Variants in NOTCH4 observed in about 807,000 individuals in gnomAD.
NOTCH4 encodes the protein neurogenic locus notch homolog protein 4.
Under a neutral mutation model 189.0 loss-of-function variants are expected in NOTCH4, and 138 were observed. That is an observed-to-expected ratio of 0.73 (90% CI 0.64 to 0.84). NOTCH4 has a LOEUF of 0.84. NOTCH4 is among the 40% of genes least tolerant of loss of function. NOTCH4 has a pLI of 0.00. For missense variants in NOTCH4, 2,286 were observed against 2,605.4 expected (o/e 0.88, Z 2.67); for synonymous variants, 942 against 1,032.8 (o/e 0.91, Z 1.69).
rs756640956 is a variant in NOTCH4 at position 32,195,914 on chromosome 6, C to T, written c.5535G>A (p.Thr1845=). 12 of 1,586,056 alleles carry T rather than the reference C, an allele frequency of 7.6e-6. No individual in the cohort carries two copies. The highest frequency in any genetic ancestry group is 1.7e-5 in the Admixed American group (1 of 58,036). The change falls in exon 30 of 30, where the codon ACG becomes ACA. Residue 1845 remains threonine, a synonymous_variant. Transcript: ENST00000375023. The surrounding 1 kb of genome is among the most constrained non-coding windows in gnomAD (Gnocchi z 5.4). Reference sequence around the variant, plus strand: ...CATGCGGGGGCACGCTTACTGACACCGTCCGTGCGCGCGGGAAGGGCCCAG... The same window carrying T: ...CATGCGGGGGCACGCTTACTGACACTGTCCGTGCGCGCGGGAAGGGCCCAG... ...REAGPFPRAR[T]VSVSVPPHGG... is the part of the protein sequence containing the mutation.
rs1003978412 is a variant in NOTCH4, at chr6:32,194,990, T to G, written c.*447A>C. Reference sequence around the variant, plus strand: ...AAGGAGTCATCAGCGGGGGTGGCCCTTGGCCACTTTTCAGCACCTACACAG... The same window carrying G: ...AAGGAGTCATCAGCGGGGGTGGCCCGTGGCCACTTTTCAGCACCTACACAG... On this transcript the variant is annotated 3_prime_UTR_variant, in exon 30 of 30. Transcript: ENST00000375023. This position sits in a 1 kb window ranked among gnomAD's most constrained non-coding sequence, Gnocchi z 4.5. 4.2e-6 allele frequency: 1 copy of G among 240,560 alleles called. No individual in the cohort carries two copies. The highest frequency in any genetic ancestry group is 2.2e-5 in the African/African-American group (1 of 45,580). 14.9% of individuals were successfully genotyped at this position (240,560 alleles called of 1,614,324 possible).
intron 18 of NOTCH4, 41 bp from the exon 19 acceptor site, chr6:32,204,430 C>A: frequency 6.3e-7 from 1 of 1,598,118 alleles, no homozygotes; most frequent in South Asian, 1.1e-5. Flanking sequence ...AGTGGATGAG[C>A]CCAACCCAGC....
intron 17 of NOTCH4, among the ~76,000 whole-genome samples, chr6:32,211,287 CAG>C (rs1491062329): frequency 2.1e-5 from 3 of 144,952 alleles, no homozygotes; most frequent in East Asian, 4.2e-4. Context: ...AACAAACAAA[CAG>C]AAACGGTAAA....
At chr6:32,213,912 T>G in intron 13 of NOTCH4, 72 bp from the exon 14 acceptor site, 1 of 1,550,978 alleles carries the variant, frequency 6.4e-7, no homozygotes, top group Non-Finnish European at 8.8e-7. Flanking sequence ...TCTTTCCTCT[T>G]CCTTCCCTTC....
At chr6:32,211,036 G>A (rs532520478) in intron 17 of NOTCH4, 100 bp from the exon 18 acceptor site, 6 of 1,102,936 alleles carry the variant, frequency 5.4e-6, no homozygotes, top group Non-Finnish European at 7.6e-6. Flanking sequence ...CGAGGCAGGT[G>A]GATCACCAGG....
In NOTCH4 at chr6:32,222,925, G is replaced by T. The variant is rs1159082723; in HGVS notation, c.155+80C>A. 5 of 1,546,412 alleles carry T rather than the reference G, an allele frequency of 3.2e-6. No individual in the cohort carries two copies. The African/African-American group carries it at 6.8e-5, about 21-fold the overall frequency. ...CCTTCACTTCCTCTCTTTCTTCTTTGGTCTCACTTCCTCACCTCTCCCCCC... is the reference window on the plus strand; with the variant it reads ...CCTTCACTTCCTCTCTTTCTTCTTTTGTCTCACTTCCTCACCTCTCCCCCC... On this transcript the variant is annotated intron_variant, in intron 2 of 29. Coordinates refer to ENST00000375023, the MANE Select transcript of NOTCH4 (RefSeq NM_004557.4).
Position 32,220,593 on chromosome 6 carries a change from G to T in NOTCH4, c.971C>A (p.Pro324His), listed in dbSNP as rs2127487774. 1.9e-6 allele frequency: 3 copies of T among 1,613,664 alleles called. No individual in the cohort carries two copies. Among genetic ancestry groups the T allele is most frequent in the Non-Finnish European group, 1.7e-6 (2 of 1,179,882 alleles). Residue 324 changes from proline to histidine, a missense_variant, in exon 6 of 30, where the codon CCT (proline) becomes CAT (histidine). This residue lies in a region of NOTCH4 where 1,903 missense variants were observed against 2,261.9 expected (regional missense o/e 0.84). Coordinates refer to ENST00000375023, the MANE Select transcript of NOTCH4 (RefSeq NM_004557.4). ...GCAGGTGCCCCCGTTTCTGCAGTGA[G>T]GGGGACCCTGGGTCTCACACTCATC... ...DVDECETQGPPHCRNGGTCQN... is the reference protein window; with the variant it reads ...DVDECETQGPHHCRNGGTCQN...
At position 32,217,046 on chromosome 6, in the gene NOTCH4, T is replaced by G. The variant is rs148631044; in HGVS notation, c.1760A>C (p.Gln587Pro). The G allele has an allele frequency of 1.2e-6, 2 of 1,613,110 alleles. No individual in the cohort carries two copies. The highest frequency in any genetic ancestry group is 1.7e-6 in the Non-Finnish European group (2 of 1,180,044). ...ACTCAGGCACTCATCCACCTCTGTT[T>G]GACAGCGTGGCCCTTCAAAGCCTGT... Reference protein sequence around the residue: ...CLPGFEGPRCQTEVDECLSDP... With the variant: ...CLPGFEGPRCPTEVDECLSDP... Residue 587 changes from glutamine (Q) to proline (P), a missense_variant, in exon 11 of 30, where the codon CAA becomes CCA. Physicochemically the swap from Gln to Pro is moderately conservative, Grantham distance 76 (BLOSUM62 -1). Around this residue, in one of 2 missense-constraint regions of NOTCH4, gnomAD observed 1,903 missense variants for 2,261.9 expected, o/e 0.84. Transcript: ENST00000375023. The surrounding 1 kb of genome is among the most constrained non-coding windows in gnomAD (Gnocchi z 4.2).
chr6:32,223,352 A>C (rs992197524), intron 1 of NOTCH4, among the ~76,000 whole-genome samples: 16 of 152,086 alleles, frequency 1.1e-4, no homozygotes, highest in African/African-American at 3.9e-4. Context: ...GAAGCAAGAC[A>C]ACAGGGGTCA....
In NOTCH4 at chr6:32,198,546, C is replaced by A; in HGVS notation, c.4631G>T (p.Gly1544Val). 1 of 1,612,834 alleles carries A rather than the reference C, an allele frequency of 6.2e-7. No individual in the cohort carries two copies. The highest frequency in any genetic ancestry group is 8.5e-7 in the Non-Finnish European group (1 of 1,179,942). The change falls in exon 26 of 30, where the codon GGC becomes GTC. Residue 1544 changes from glycine to valine, a missense_variant. Gly to Val is a moderately radical substitution (Grantham distance 109). Coordinates refer to ENST00000375023, the MANE Select transcript of NOTCH4 (RefSeq NM_004557.4). This position sits in a 1 kb window ranked among gnomAD's most constrained non-coding sequence, Gnocchi z 5.5. ...CCAGAGCTGGCACGTGGAGGGTGGGCCTGTTTCTTCAGCCTTTGGGTAACA... is the reference window on the plus strand; with the variant it reads ...CCAGAGCTGGCACGTGGAGGGTGGGACTGTTTCTTCAGCCTTTGGGTAACA... ...GEEVGQAEET[G>V]PPSTCQLWSL...
Position 32,210,974 on chromosome 6 carries a change from T to TG in NOTCH4, c.2681-39dup, listed in dbSNP as rs1167350985. The TG allele has an allele frequency of 6.5e-7, 1 of 1,528,748 alleles. No individual in the cohort carries two copies. 94.7% of individuals were successfully genotyped at this position (1,528,748 alleles called of 1,614,324 possible). A position where few individuals can be genotyped will look rare whatever the true frequency, so the allele number is the denominator to read the frequency against. ...ACAAACAGGGATATACAAAGATAAG[T>TG]GGGGGGCCGGGCGCCATGGCTTACG... On this transcript the variant is annotated intron_variant, in intron 17 of 29. Transcript: ENST00000375023. This position sits in a 1 kb window ranked among gnomAD's most constrained non-coding sequence, Gnocchi z 4.8.
Position 32,195,836 on chromosome 6 carries a change from A to T in NOTCH4, c.5613T>A (p.Arg1871=). Residue 1871 remains arginine (R), a synonymous_variant, in exon 30 of 30, where the codon CGT becomes CGA. Transcript: ENST00000375023. The surrounding 1 kb of genome is among the most constrained non-coding windows in gnomAD (Gnocchi z 5.4). ...CRTLSAGAGP[R]GGGACLQART... ...GAGCCTGCAGACAAGCTCCGCCCCC[A>T]CGAGGGCCTGCTCCGGCTGACAGCG... is the stretch of plus-strand genomic sequence containing the variant. The T allele has an allele frequency of 6.3e-7, 1 of 1,598,106 alleles. No homozygotes were observed.
In NOTCH4 at chr6:32,201,239, C is replaced by T. The variant is rs754761056; in HGVS notation, c.4017G>A (p.Val1339=). 1.1e-5 allele frequency: 17 copies of T among 1,612,914 alleles called. No individual in the cohort carries two copies. The highest frequency in any genetic ancestry group is 3.3e-5 in the Admixed American group (2 of 59,998). ...CAGCCCGGGCCCCAGGATAGGGGTACACCATGTCCCTGCCATCACGATCCT... is the reference window on the plus strand; with the variant it reads ...CAGCCCGGGCCCCAGGATAGGGGTATACCATGTCCCTGCCATCACGATCCT... ...VRKDRDGRDM[V]YPYPGARAEE... The change falls in exon 22 of 30, where the codon GTG becomes GTA. Residue 1339 remains valine (V), a synonymous_variant. Transcript: ENST00000375023. This position sits in a 1 kb window ranked among gnomAD's most constrained non-coding sequence, Gnocchi z 5.5.
At chr6:32,222,917 T>C (rs1789880901) in intron 2 of NOTCH4, 88 bp downstream of exon 2, 3 of 1,548,096 alleles carry the variant, frequency 1.9e-6, no homozygotes, top group Non-Finnish European at 8.9e-7. Context: ...TTCCTCTCTT[T>C]CTTCTTTGGT....
Position 32,196,308 on chromosome 6 carries a change from C to T in NOTCH4, c.5298+16G>A, listed in dbSNP as rs781236610. 9 of 1,613,036 alleles carry T rather than the reference C, an allele frequency of 5.6e-6. No homozygotes were observed. In the African/African-American group the frequency reaches 8.0e-5, roughly 14 times the overall value. On this transcript the variant is annotated intron_variant, in intron 29 of 29. Coordinates refer to ENST00000375023, the MANE Select transcript of NOTCH4 (RefSeq NM_004557.4). ...GCGCCTGACTGTTTTGTGGGAAGCC[C>T]TCTGTCCCATCTAACCCTGTTGTCC... is the stretch of plus-strand genomic sequence containing the variant.
rs781736269 is a variant in NOTCH4, at chr6:32,195,767, A to C, written c.5682T>G (p.Tyr1894Ter). 1.8e-5 allele frequency: 29 copies of C among 1,610,118 alleles called. No homozygotes were observed. Among genetic ancestry groups the C allele is most frequent in the Non-Finnish European group, 2.4e-5 (28 of 1,179,748 alleles). The change falls in exon 30 of 30, where the codon TAT (tyrosine) becomes TAG (stop). Residue 1894 changes from tyrosine (Y) to a stop codon, truncating the protein, a stop_gained. Transcript: ENST00000375023. LOFTEE classifies it low-confidence loss of function (END_TRUNC). The surrounding 1 kb of genome is among the most constrained non-coding windows in gnomAD (Gnocchi z 5.4). ...VDLAARGGGA[Y>*]SHCRSLSGVG... Reference sequence around the variant, plus strand: ...CTCCCGAGAGGCTCCGGCAATGAGAATAGGCCCCGCCCCCCCGCGCAGCCA... The same window carrying C: ...CTCCCGAGAGGCTCCGGCAATGAGACTAGGCCCCGCCCCCCCGCGCAGCCA...
At position 32,202,370 on chromosome 6, in the gene NOTCH4, C is replaced by T. The variant is rs577534927; in HGVS notation, c.3461G>A (p.Gly1154Asp). 1.6e-5 allele frequency: 25 copies of T among 1,612,722 alleles called. No homozygotes were observed. The South Asian group carries it at 2.2e-4, about 14-fold the overall frequency. The stretch of plus-strand genomic sequence containing the variant: ...AGGGCAGGAGCATCGAAAGCCTGGG[C>T]CCCCCAAGCCCGTGGTCTCTGAGCA... ...GSCSETTGLG[G>D]PGFRCSCPHS... Residue 1154 changes from glycine to aspartate, a missense_variant, in exon 21 of 30, where the codon GGC (glycine) becomes GAC (aspartate). Coordinates refer to ENST00000375023, the MANE Select transcript of NOTCH4 (RefSeq NM_004557.4). The surrounding 1 kb of genome is among the most constrained non-coding windows in gnomAD (Gnocchi z 5.7).
At chr6:32,220,053 CA>C (rs1255517550) in intron 7 of NOTCH4, 75 bp downstream of exon 7, 1 of 1,475,440 alleles carries the variant, frequency 6.8e-7, no homozygotes, top group African/African-American at 1.5e-5. Context: ...ATTGGAAAAG[CA>C]ATCTGCCCTT....
Position 32,221,621 on chromosome 6 carries a change from G to A in NOTCH4, c.452-296C>T, listed in dbSNP as rs140275516. Among the ~76,000 whole-genome samples, 99 of 152,222 alleles carry A rather than the reference G, an allele frequency of 6.5e-4. 4 individuals carry two copies. The highest frequency in any genetic ancestry group is 5.8e-3 in the Admixed American group (89 of 15,298). ...TTGGGGGAGGTGAAAAGCACCCCACGTCTGCAGGCAGGAGACTCAGGTGGC... is the reference window on the plus strand; with the variant it reads ...TTGGGGGAGGTGAAAAGCACCCCACATCTGCAGGCAGGAGACTCAGGTGGC... On this transcript the variant is annotated intron_variant, in intron 3 of 29. Coordinates refer to ENST00000375023, the MANE Select transcript of NOTCH4 (RefSeq NM_004557.4). The surrounding 1 kb of genome is among the most constrained non-coding windows in gnomAD (Gnocchi z 4.3).
Sources: allele counts gnomAD v4.1 joint callset (sites outside exome capture counted in the v4.1 genomes callset), GRCh38; gene constraint gnomAD v4.1.1; regional missense constraint gnomAD v4.1.1; non-coding constraint Gnocchi (gnomAD v3.1); transcripts MANE v1.5; gene names NCBI Gene and HGNC (gene_info 2026-07-23, HGNC 2026-07-21).